Variants in PLCL2 observed in about 807,000 individuals in gnomAD.
The protein encoded by PLCL2 is phospholipase C like 2, also known as inactive phospholipase C-like protein 2.
A neutral mutation model predicts 79.6 loss-of-function variants in PLCL2; 4 were observed. The ratio of observed to expected loss-of-function variants is 0.05; its 90% CI spans 0.02 to 0.11. The LOEUF is 0.11. Among genes scored for constraint, PLCL2 ranks in the 10% least tolerant of loss-of-function variants. PLCL2 has a pLI of 1.00. For missense variants in PLCL2, 895 were observed against 1,291.0 expected (o/e 0.69, Z 4.70); for synonymous variants, 484 against 457.7 (o/e 1.06, Z -0.73).
chr3:16,950,675 C>G (rs191321824), intron 1 of PLCL2, among the ~76,000 whole-genome samples: 264 of 151,750 alleles, frequency 1.7e-3, no homozygotes, highest in African/African-American at 6.1e-3. Context: ...ATTGGCTTCT[C>G]GTAGATTCTC....
At chr3:16,969,003 T>G (rs191534984) in intron 1 of PLCL2, among the ~76,000 whole-genome samples, 80 of 152,170 alleles carry the variant, frequency 5.3e-4, no homozygotes, top group African/African-American at 1.9e-3. Flanking sequence ...TAATGAGATG[T>G]TCATGTGGTT....
At chr3:16,933,515 C>T (rs1360017913) in intron 1 of PLCL2, among the ~76,000 whole-genome samples, 1 of 152,194 alleles carries the variant, frequency 6.6e-6, no homozygotes, top group African/African-American at 2.4e-5. Context: ...GTTTCCCTTC[C>T]CAGTGTCCTT....
chr3:16,973,773 G>T (rs574467656), intron 1 of PLCL2, among the ~76,000 whole-genome samples: 2 of 152,086 alleles, frequency 1.3e-5, no homozygotes, highest in South Asian at 4.1e-4. Context: ...TTTCATTTAG[G>T]TCTATACTGG....
chr3:17,042,143 G>A (rs79039471), intron 3 of PLCL2, among the ~76,000 whole-genome samples: 4,336 of 152,096 alleles, frequency 0.029, 228 homozygotes, highest in African/African-American at 0.1. Context: ...CTTGTTTCTG[G>A]CTATCCCATT....
chr3:17,081,042 T>G (rs2065157552), intron 5 of PLCL2: 1 of 389,652 alleles, frequency 2.6e-6, no homozygotes, highest in Non-Finnish European at 5.2e-6. Flanking sequence ...CTGTTCAGAC[T>G]CTACCCGTAA....
At chr3:16,975,193 T>G (rs993512184) in intron 1 of PLCL2, among the ~76,000 whole-genome samples, 1 of 152,200 alleles carries the variant, frequency 6.6e-6, no homozygotes, top group African/African-American at 2.4e-5. Context: ...AAGGCAGAGA[T>G]AGAAAGATGG....
chr3:16,984,828 A>C lies in PLCL2; in HGVS notation c.328-24846A>C, dbSNP rs552659207. Among the ~76,000 whole-genome samples, 20 of 152,168 alleles carry C rather than the reference A, an allele frequency of 1.3e-4. No homozygotes were observed. The South Asian group carries it at 3.9e-3, about 30-fold the overall frequency. On this transcript the variant is annotated intron_variant, in intron 1 of 5. Transcript: ENST00000615277. ...GCACCTGTAGTCCCAGCTACTCGGG[A>C]CGCTGAGGCAGGATAATGATGTGAA... is the stretch of plus-strand genomic sequence containing the variant.
chr3:17,013,947 C>T (rs532590141), intron 2 of PLCL2, among the ~76,000 whole-genome samples: 1 of 152,362 alleles, frequency 6.6e-6, no homozygotes. Context: ...CATAACATGG[C>T]TTGCTGTGTG....
At chr3:16,957,916 G>C (rs1410419553) in intron 1 of PLCL2, among the ~76,000 whole-genome samples, 1 of 152,120 alleles carries the variant, frequency 6.6e-6, no homozygotes, top group Non-Finnish European at 1.5e-5. Context: ...TTGAGCCTGT[G>C]TGTGTCTCTG....
chr3:16,983,146 T>C (rs2064017164), intron 1 of PLCL2, among the ~76,000 whole-genome samples: 1 of 152,266 alleles, frequency 6.6e-6, no homozygotes, highest in Non-Finnish European at 1.5e-5. Context: ...GCGTATTACC[T>C]TGTACACATA....
At chr3:16,997,045 T>C (rs1271585367) in intron 1 of PLCL2, among the ~76,000 whole-genome samples, 1 of 152,250 alleles carries the variant, frequency 6.6e-6, no homozygotes, top group Non-Finnish European at 1.5e-5. Flanking sequence ...AAATGACTTA[T>C]GCTTCTTTTA....
chr3:16,929,311 T>A (rs554920893), intron 1 of PLCL2, among the ~76,000 whole-genome samples: 26 of 151,970 alleles, frequency 1.7e-4, no homozygotes, highest in African/African-American at 6.3e-4. Context: ...AAAATGAGAG[T>A]TTAGTGGACC....
chr3:17,044,148 T>C (rs953573057), intron 4 of PLCL2: 2 of 152,300 alleles, frequency 1.3e-5, no homozygotes, highest in Admixed American at 6.5e-5. Context: ...TTTCAGGTAC[T>C]GACCATAATA....
chr3:17,028,430 T>C (rs1042650231), intron 3 of PLCL2, among the ~76,000 whole-genome samples: 9 of 152,092 alleles, frequency 5.9e-5, no homozygotes, highest in African/African-American at 1.9e-4. Context: ...CTCCTTCTTA[T>C]ACTCGTCACA....
rs118155494 is a variant in PLCL2, at chr3:16,885,392, C to T, written c.327+26C>T. 1,547 of 578,308 alleles carry T rather than the reference C, an allele frequency of 2.7e-3. 32 individuals carry two copies. In the East Asian group the frequency reaches 0.045, roughly 17 times the overall value. The allele number at this position is 578,308 out of a possible 1,614,324, so 35.8% of individuals were successfully genotyped here. On this transcript the variant is annotated intron_variant, in intron 1 of 5. Transcript: ENST00000615277. Reference sequence around the variant, plus strand: ...GTAGGTGGGAGAAGGGCGCTCATCGCCCACCCTCAGCCGTCCTTGGATTCT... The same window carrying T: ...GTAGGTGGGAGAAGGGCGCTCATCGTCCACCCTCAGCCGTCCTTGGATTCT...
At chr3:16,994,934 G>C (rs1246640595) in intron 1 of PLCL2, among the ~76,000 whole-genome samples, 3 of 152,260 alleles carry the variant, frequency 2.0e-5, no homozygotes, top group Non-Finnish European at 4.4e-5. Context: ...GAGTATGGAA[G>C]AGGCAAGAGC....
At chr3:16,900,217 C>G (rs1439590312) in intron 1 of PLCL2, among the ~76,000 whole-genome samples, 1 of 152,170 alleles carries the variant, frequency 6.6e-6, no homozygotes, top group East Asian at 1.9e-4. Context: ...TTCTTCTTGA[C>G]AGAGGTAAAA....
chr3:16,939,144 G>A (rs1273353512), intron 1 of PLCL2, among the ~76,000 whole-genome samples: 1 of 151,880 alleles, frequency 6.6e-6, no homozygotes, highest in Non-Finnish European at 1.5e-5. Flanking sequence ...ATAGCAAAGG[G>A]TAAGCGGGTA....
At chr3:16,956,108 G>C (rs2063702420) in intron 1 of PLCL2, among the ~76,000 whole-genome samples, 1 of 152,114 alleles carries the variant, frequency 6.6e-6, no homozygotes, top group South Asian at 2.1e-4. Context: ...TCTTGTGCCA[G>C]TTTTCAAAGG....
Sources: gnomAD v4.1 joint callset for allele counts (sites outside exome capture counted in the v4.1 genomes callset) on GRCh38, gnomAD v4.1.1 for gene constraint, MANE v1.5 for transcripts, NCBI Gene and HGNC (gene_info 2026-07-23, HGNC 2026-07-21) for gene names.